The following FNDC3B variants were observed in gnomAD, a reference collection of about 807,000 sequenced individuals.
FNDC3B encodes fibronectin type III domain-containing protein 3B.
A neutral mutation model predicts 151.5 loss-of-function variants in FNDC3B; 12 were observed. The observed-to-expected ratio is 0.08, with a 90% confidence interval of 0.05 to 0.13. The LOEUF is 0.13. Among genes scored for constraint, FNDC3B ranks in the 10% least tolerant of loss-of-function variants. The pLI is 1.00. For synonymous variants in FNDC3B, 528 were observed against 549.0 expected, an observed-to-expected ratio of 0.96 and a Z score of 0.54; for missense variants, 1,214 against 1,505.3, an observed-to-expected ratio of 0.81 and a Z score of 3.20.
At chr3:172,357,944 G>T (rs1239899416) in intron 22 of FNDC3B, among the ~76,000 whole-genome samples, 1 of 152,224 alleles carries the variant, frequency 6.6e-6, no homozygotes, top group Non-Finnish European at 1.5e-5. Flanking sequence ...AAGTAAACTT[G>T]TTGACTCTTC....
At chr3:172,205,172 TC>T (rs567904214) in intron 3 of FNDC3B, among the ~76,000 whole-genome samples, 2 of 151,952 alleles carry the variant, frequency 1.3e-5, no homozygotes, top group African/African-American at 2.4e-5. Context: ...AGAATTACCA[TC>T]CCCCGCCCAG....
chr3:172,099,617 A>G (rs759137871), intron 1 of FNDC3B, among the ~76,000 whole-genome samples: 5 of 152,176 alleles, frequency 3.3e-5, no homozygotes, highest in Non-Finnish European at 5.9e-5. Flanking sequence ...CCCAGCAGGA[A>G]GTACCTGGCC....
intron 9 of FNDC3B, among the ~76,000 whole-genome samples, chr3:172,306,158 A>G (rs528425331): frequency 2.0e-5 from 3 of 152,188 alleles, no homozygotes; most frequent in Non-Finnish European, 4.4e-5. Flanking sequence ...TCACACACAC[A>G]CTTGGGACCT....
chr3:172,288,207 T>G (rs75530867), intron 7 of FNDC3B, among the ~76,000 whole-genome samples: 31 of 152,340 alleles, frequency 2.0e-4, no homozygotes, highest in African/African-American at 6.7e-4. Flanking sequence ...TCATTATGAA[T>G]CAATTAACTG....
Position 172,375,466 on chromosome 3 carries a change from C to A in FNDC3B, c.3009-2804C>A, listed in dbSNP as rs530554876. Among the ~76,000 whole-genome samples, 48 of 152,304 alleles carry A rather than the reference C, an allele frequency of 3.2e-4. No individual in the cohort carries two copies. The Middle Eastern group carries it at 0.014, about 43-fold the overall frequency. On this transcript the variant is annotated intron_variant, in intron 23 of 25. Coordinates refer to ENST00000415807, the MANE Select transcript of FNDC3B (RefSeq NM_022763.4). ...ATACTTGTTTCACCCAGGAAAGAGC[C>A]TCTGTCATGCCCATCGTCTCCTTCC...
At chr3:172,197,517 C>T (rs1386420128) in intron 3 of FNDC3B, among the ~76,000 whole-genome samples, 1 of 152,202 alleles carries the variant, frequency 6.6e-6, no homozygotes, top group African/African-American at 2.4e-5. Flanking sequence ...AATCCTCAGA[C>T]CCCATTGAGG....
At chr3:172,213,071 ATGTTAGG>A (rs1161721714) in intron 3 of FNDC3B, among the ~76,000 whole-genome samples, 1 of 151,978 alleles carries the variant, frequency 6.6e-6, no homozygotes, top group Non-Finnish European at 1.5e-5. Flanking sequence ...TTTTTCTTCC[ATGTTAGG>A]TATCTGTCTG....
At chr3:172,102,689 G>A (rs1719432577) in intron 1 of FNDC3B, among the ~76,000 whole-genome samples, 1 of 152,166 alleles carries the variant, frequency 6.6e-6, no homozygotes, top group Non-Finnish European at 1.5e-5. Flanking sequence ...TAGTGCCCAA[G>A]GTCTGGGCAA....
chr3:172,343,107 T>C lies in FNDC3B; in HGVS notation c.2068T>C (p.Leu690=), dbSNP rs557648244. The change falls in exon 18 of 26, where the codon TTA becomes CTA. Residue 690 remains leucine, a synonymous_variant. Transcript: ENST00000415807. The part of the protein sequence containing the change: ...LGRPKHKEVH[L]EWDVPASESG... Reference sequence around the variant, plus strand: ...TAGACCAAAGCACAAAGAAGTCCACTTAGAGTGGGGTGAGTGAACTAACCT... The same window carrying C: ...TAGACCAAAGCACAAAGAAGTCCACCTAGAGTGGGGTGAGTGAACTAACCT... 6.3e-7 allele frequency: 1 copy of C among 1,582,020 alleles called. No homozygotes were observed. The highest frequency in any genetic ancestry group is 8.7e-7 in the Non-Finnish European group (1 of 1,151,310).
At chr3:172,283,103 C>T (rs1180086706) in intron 6 of FNDC3B, among the ~76,000 whole-genome samples, 2 of 152,172 alleles carry the variant, frequency 1.3e-5, no homozygotes, top group Non-Finnish European at 2.9e-5. Flanking sequence ...TGTCAGTTTT[C>T]GTGATTGTAA....
intron 6 of FNDC3B, among the ~76,000 whole-genome samples, chr3:172,264,863 A>C (rs921538819): frequency 6.6e-6 from 1 of 152,240 alleles, no homozygotes; most frequent in East Asian, 1.9e-4. Context: ...ATTTCAGATA[A>C]GCTAACTGCC....
chr3:172,210,333 T>C (rs1725672457), intron 3 of FNDC3B, among the ~76,000 whole-genome samples: 1 of 152,190 alleles, frequency 6.6e-6, no homozygotes, highest in South Asian at 2.1e-4. Context: ...GTTCTGCATT[T>C]TTCCTTAATT....
intron 1 of FNDC3B, among the ~76,000 whole-genome samples, chr3:172,101,291 G>A (rs372159218): frequency 2.6e-5 from 4 of 152,316 alleles, no homozygotes; most frequent in African/African-American, 9.6e-5. Flanking sequence ...GAAAGGTTTC[G>A]TAGAGCATGG....
At chr3:172,300,384 G>C (rs992500192) in intron 9 of FNDC3B, among the ~76,000 whole-genome samples, 1 of 152,138 alleles carries the variant, frequency 6.6e-6, no homozygotes, top group Non-Finnish European at 1.5e-5. Context: ...TCATTCATGA[G>C]CTTACAATAT....
At chr3:172,394,105 CTAAA>C (rs1354890825) in intron 25 of FNDC3B, among the ~76,000 whole-genome samples, 2 of 6,228 alleles carry the variant, frequency 3.2e-4, no homozygotes, top group African/African-American at 4.9e-4. Context: ...GAGACTCCTT[CTAAA>C]AAAAAAAAAA....
chr3:172,206,601 A>G (rs1005697943), intron 3 of FNDC3B, among the ~76,000 whole-genome samples: 1 of 141,152 alleles, frequency 7.1e-6, no homozygotes, highest in Non-Finnish European at 1.5e-5. Flanking sequence ...GGATGTTGCA[A>G]GGAGCCGAGA....
intron 6 of FNDC3B, among the ~76,000 whole-genome samples, chr3:172,276,244 T>A (rs1437128152): frequency 6.6e-6 from 1 of 152,206 alleles, no homozygotes; most frequent in Admixed American, 6.5e-5. Context: ...CCATCTAATC[T>A]TAAATTAGAA....
intron 1 of FNDC3B, among the ~76,000 whole-genome samples, chr3:172,045,822 A>AT (rs1328979228): frequency 6.6e-6 from 1 of 151,054 alleles, no homozygotes; most frequent in Non-Finnish European, 1.5e-5. Flanking sequence ...TTTGCCTTAA[A>AT]ATATATATTA....
intron 21 of FNDC3B, among the ~76,000 whole-genome samples, chr3:172,348,719 G>A (rs935986538): frequency 2.6e-5 from 4 of 152,150 alleles, no homozygotes; most frequent in African/African-American, 9.7e-5. Context: ...ACATTAATAA[G>A]AATAGTACCT....
Sources: gnomAD v4.1 joint callset for allele counts (sites outside exome capture counted in the v4.1 genomes callset) on GRCh38, gnomAD v4.1.1 for gene constraint, MANE v1.5 for transcripts, NCBI Gene and HGNC (gene_info 2026-07-23, HGNC 2026-07-21) for gene names.